The following MYT1L variants were observed in gnomAD, a reference collection of about 807,000 sequenced individuals.
MYT1L encodes myelin transcription factor 1-like protein.
MYT1L carries 12 observed loss-of-function variants against 126.7 expected under a neutral mutation model. The ratio of observed to expected loss-of-function variants is 0.09; its 90% CI spans 0.06 to 0.15. The LOEUF (loss-of-function observed/expected upper bound fraction) is 0.15. Among genes scored for constraint, MYT1L ranks in the 10% least tolerant of loss-of-function variants. The pLI is 1.00. For missense variants in MYT1L, 979 were observed against 1,585.2 expected, an observed-to-expected ratio of 0.62 and a Z score of 6.49; for synonymous variants, 541 against 604.2, an observed-to-expected ratio of 0.90 and a Z score of 1.53.
At chr2:1,986,692 C>T (rs909676822) in intron 5 of MYT1L, among the ~76,000 whole-genome samples, 2 of 152,306 alleles carry the variant, frequency 1.3e-5, no homozygotes, top group East Asian at 1.9e-4. Flanking sequence ...AAAATACCCA[C>T]AAGAAGAACT....
chr2:1,869,789 A>C (rs2046048467), intron 18 of MYT1L, among the ~76,000 whole-genome samples: 1 of 152,146 alleles, frequency 6.6e-6, no homozygotes, highest in Non-Finnish European at 1.5e-5. Flanking sequence ...GGTTTGAAGA[A>C]AACCAAGTAC....
intron 2 of MYT1L, among the ~76,000 whole-genome samples, chr2:2,266,398 G>A (rs2149315572): frequency 6.6e-6 from 1 of 152,302 alleles, no homozygotes; most frequent in East Asian, 1.9e-4. Flanking sequence ...CACAAACTGT[G>A]CAGTGAGGAT....
chr2:2,183,527 T>C lies in MYT1L; in HGVS notation c.-420-10539A>G, dbSNP rs144917783. On this transcript the variant is annotated intron_variant, in intron 2 of 24. Transcript: ENST00000647738. Reference sequence around the variant, plus strand: ...GCACAAAGCTTGCAAGAGAGTAATATTATGAATGTTTGAAATCATGCTGTA... The same window carrying C: ...GCACAAAGCTTGCAAGAGAGTAATACTATGAATGTTTGAAATCATGCTGTA... 2.4e-4 allele frequency among the ~76,000 whole-genome samples: 36 copies of C among 152,258 alleles called. No individual in the cohort carries two copies. In the East Asian group the frequency reaches 4.8e-3, roughly 20 times the overall value.
chr2:1,941,719 G>A (rs977924330), intron 9 of MYT1L, among the ~76,000 whole-genome samples: 4 of 152,088 alleles, frequency 2.6e-5, no homozygotes, highest in Non-Finnish European at 5.9e-5. Context: ...CTATGTGTGT[G>A]TACATATGCA....
chr2:2,193,486 C>A (rs1390923343), intron 2 of MYT1L, among the ~76,000 whole-genome samples: 1 of 152,172 alleles, frequency 6.6e-6, no homozygotes, highest in African/African-American at 2.4e-5. Flanking sequence ...AGGATTTGGG[C>A]TTTTTGGCTT....
At chr2:2,312,394 C>T (rs1273123960) in intron 1 of MYT1L, among the ~76,000 whole-genome samples, 5 of 151,964 alleles carry the variant, frequency 3.3e-5, no homozygotes, top group South Asian at 4.1e-4. Flanking sequence ...GTGGATCGCT[C>T]GAGCTCAGGA....
At chr2:1,878,991 C>CAAGAG (rs201911223) in intron 18 of MYT1L, among the ~76,000 whole-genome samples, 2,318 of 152,144 alleles carry the variant, frequency 0.015, 21 homozygotes, top group Middle Eastern at 0.034. Context: ...AAAAACAATA[C>CAAGAG]AAGAGAAGAG....
intron 8 of MYT1L, among the ~76,000 whole-genome samples, chr2:1,947,035 C>T (rs540318859): frequency 6.6e-6 from 1 of 152,302 alleles, no homozygotes; most frequent in Admixed American, 6.5e-5. Flanking sequence ...TCTCCTTCAT[C>T]AGTGCATCAA....
chr2:2,068,769 G>GT lies in MYT1L; in HGVS notation c.-303-14647dup, dbSNP rs55838351. ...GGACACAGACACCTGTGTTCTTCTT[G>GT]TTTTTTTTTTTTTTTTTTTTTTTTT... On this transcript the variant is annotated intron_variant, in intron 3 of 24. Coordinates refer to ENST00000647738, the MANE Select transcript of MYT1L (RefSeq NM_001303052.2). 3.0e-3 allele frequency among the ~76,000 whole-genome samples: 79 copies of GT among 26,184 alleles called. 9 individuals are homozygous for GT. Among genetic ancestry groups the GT allele is most frequent in the South Asian group, 5.7e-3 (2 of 352 alleles). The allele number at this position is 26,184 out of a possible 152,430, so 17.2% of individuals were successfully genotyped here.
At chr2:2,020,168 G>A (rs1156778592) in intron 4 of MYT1L, among the ~76,000 whole-genome samples, 1 of 152,160 alleles carries the variant, frequency 6.6e-6, no homozygotes, top group East Asian at 1.9e-4. Context: ...GCTATAGCTT[G>A]ATTGTCAGGA....
intron 14 of MYT1L, among the ~76,000 whole-genome samples, chr2:1,897,050 T>C (rs1304598829): frequency 6.6e-6 from 1 of 152,252 alleles, no homozygotes; most frequent in Non-Finnish European, 1.5e-5. Flanking sequence ...AAGAGTCTTT[T>C]GATGTGCCTA....
chr2:2,122,532 C>T (rs1270330845), intron 3 of MYT1L, among the ~76,000 whole-genome samples: 11 of 152,288 alleles, frequency 7.2e-5, no homozygotes, highest in Non-Finnish European at 1.2e-4. Context: ...ATGTGTAACA[C>T]GCTATCATAT....
At chr2:1,884,781 C>T (rs1463135816) in intron 18 of MYT1L, among the ~76,000 whole-genome samples, 1 of 152,216 alleles carries the variant, frequency 6.6e-6, no homozygotes, top group African/African-American at 2.4e-5. Context: ...ACAGTCTCCC[C>T]TCCAGGACAA....
intron 2 of MYT1L, among the ~76,000 whole-genome samples, chr2:2,240,609 G>A (rs1435313674): frequency 6.6e-6 from 1 of 152,222 alleles, no homozygotes; most frequent in Admixed American, 6.5e-5. Context: ...TAAAGCAAAC[G>A]AGAAAACGAT....
rs1375408336 is a variant in MYT1L at position 1,910,328 on chromosome 2, C to T, written c.1729G>A (p.Ala577Thr). The T allele has an allele frequency of 6.2e-7, 1 of 1,612,238 alleles. No homozygotes were observed. The change falls in exon 13 of 25, where the codon GCT (alanine) becomes ACT (threonine). Residue 577 changes from alanine (A) to threonine (T), a missense_variant. By Grantham distance (58) the Ala-to-Thr change is moderately conservative. This residue lies in a region of MYT1L where 82 missense variants were observed against 177.2 expected (regional missense o/e 0.46). Coordinates refer to ENST00000647738, the MANE Select transcript of MYT1L (RefSeq NM_001303052.2). This position sits in a 1 kb window ranked among gnomAD's most constrained non-coding sequence, Gnocchi z 4.8. ...GCCTTGGCCAGTTTCTCTGCTGCAGCGATCGGGCATCCGGAGAGGCTGCAA... is the reference window on the plus strand; with the variant it reads ...GCCTTGGCCAGTTTCTCTGCTGCAGTGATCGGGCATCCGGAGAGGCTGCAA... ...SHRSLSGCPI[A>T]AAEKLAKAQE...
rs879838232 is a variant in MYT1L at position 2,224,826 on chromosome 2, A to G, written c.-420-51838T>C. On this transcript the variant is annotated intron_variant, in intron 2 of 24. Coordinates refer to ENST00000647738, the MANE Select transcript of MYT1L (RefSeq NM_001303052.2). The surrounding 1 kb of genome is among the most constrained non-coding windows in gnomAD (Gnocchi z 4.0). ...AGAGCAAGACTCCGTCTCAAAAGAA[A>G]AAAAAAAAAAGGAAAATAAATGTTT... is the stretch of plus-strand genomic sequence containing the variant. 6.7e-6 allele frequency among the ~76,000 whole-genome samples: 1 copy of G among 150,374 alleles called. No individual in the cohort carries two copies. The highest frequency in any genetic ancestry group is 1.5e-5 in the Non-Finnish European group (1 of 67,454).
chr2:2,006,606 C>T (rs1359560232), intron 4 of MYT1L, among the ~76,000 whole-genome samples: 4 of 152,038 alleles, frequency 2.6e-5, no homozygotes, highest in Middle Eastern at 3.2e-3. Context: ...GACAGGGTCT[C>T]ACTCTGTCAA....
intron 1 of MYT1L, chr2:2,324,362 A>G (rs1168158077): frequency 6.6e-6 from 1 of 152,216 alleles, no homozygotes; most frequent in Non-Finnish European, 1.5e-5. Context: ...CTCCACGACT[A>G]CAAAACTCTT....
In MYT1L at chr2:2,228,936, A is replaced by G. The variant is rs1437020626; in HGVS notation, c.-421+55468T>C. On this transcript the variant is annotated intron_variant, in intron 2 of 24. Transcript: ENST00000647738. The surrounding 1 kb of genome is among the most constrained non-coding windows in gnomAD (Gnocchi z 5.9). The stretch of plus-strand genomic sequence containing the variant: ...TAATAAGAAGAAACACAAGCAGTAG[A>G]GAAGGATATGAAGTGAAACACGGGG... Among the ~76,000 whole-genome samples, 1 of 152,172 alleles carries G rather than the reference A, an allele frequency of 6.6e-6. No individual in the cohort carries two copies. The highest frequency in any genetic ancestry group is 1.5e-5 in the Non-Finnish European group (1 of 68,044).
Sources: gnomAD v4.1 joint callset for allele counts (sites outside exome capture counted in the v4.1 genomes callset) on GRCh38, gnomAD v4.1.1 for gene constraint, gnomAD v4.1.1 regional missense constraint, Gnocchi (gnomAD v3.1) non-coding constraint, MANE v1.5 for transcripts, NCBI Gene and HGNC (gene_info 2026-07-23, HGNC 2026-07-21) for gene names.